The following NEK4 variants were observed in gnomAD, a reference collection of about 807,000 sequenced individuals.
The protein encoded by NEK4 is NIMA related kinase 4, also known as serine/threonine-protein kinase Nek4.
NEK4 carries 86 observed loss-of-function variants against 98.4 expected under a neutral mutation model. That is an observed-to-expected ratio of 0.87 (90% CI 0.73 to 1.05). The LOEUF (loss-of-function observed/expected upper bound fraction) is 1.05. Ranked by LOEUF, NEK4 falls within the 50% of genes least tolerant of loss-of-function variation. NEK4 has a pLI of 0.00. For missense variants in NEK4, 898 were observed against 950.3 expected (o/e 0.94, Z 0.72); for synonymous variants, 328 against 342.2 (o/e 0.96, Z 0.46).
At chr3:52,715,816 C>T (rs2097354631) in intron 15 of NEK4, among the ~76,000 whole-genome samples, 1 of 152,220 alleles carries the variant, frequency 6.6e-6, no homozygotes, top group South Asian at 2.1e-4. Flanking sequence ...TGTAAACAAA[C>T]ATGTTAGGAG....
At chr3:52,712,522 A>G (rs1312027238) in intron 15 of NEK4, among the ~76,000 whole-genome samples, 2 of 152,226 alleles carry the variant, frequency 1.3e-5, no homozygotes, top group African/African-American at 4.8e-5. Flanking sequence ...CCCTTGCCCT[A>G]TCTCAAGGAC....
In NEK4 at chr3:52,770,728, A is replaced by C; in HGVS notation, c.19T>G (p.Cys7Gly). Residue 7 changes from cysteine (C) to glycine (G), a missense_variant, in exon 1 of 16, where the codon TGC becomes GGC. By Grantham distance (159) the Cys-to-Gly change is radical. Transcript: ENST00000233027. The stretch of plus-strand genomic sequence containing the variant: ...CCCTTGCCCACGACCCGCAGGTAGC[A>C]GTAGGCGGCCAGGGGCATGTTCCCA... MPLAAY[C>G]YLRVVGKGSY... is the part of the protein sequence containing the mutation. 6.4e-7 allele frequency: 1 copy of C among 1,573,606 alleles called. No individual in the cohort carries two copies. Among genetic ancestry groups the C allele is most frequent in the African/African-American group, 1.4e-5 (1 of 73,878 alleles).
At chr3:52,711,967 T>C (rs2097350845) in intron 15 of NEK4, 98 bp from the exon 16 acceptor site, 4 of 667,142 alleles carry the variant, frequency 6.0e-6, no homozygotes, top group African/African-American at 1.8e-5. Context: ...GTATCCAAGG[T>C]GGAAACCATA....
intron 6 of NEK4, 122 bp downstream of exon 6, chr3:52,760,673 G>A (rs1698321080): frequency 4.0e-6 from 3 of 750,676 alleles, no homozygotes; most frequent in Admixed American, 2.4e-5. Context: ...TTACAGTAAG[G>A]AATTAATTGT....
chr3:52,755,475 A>G (rs937426534), intron 6 of NEK4, among the ~76,000 whole-genome samples: 2 of 150,998 alleles, frequency 1.3e-5, no homozygotes, highest in East Asian at 1.9e-4. Flanking sequence ...CAGGGCTGTG[A>G]AAAAAAAACA....
intron 15 of NEK4, among the ~76,000 whole-genome samples, chr3:52,721,026 A>G (rs1371722732): frequency 6.6e-6 from 1 of 152,200 alleles, no homozygotes; most frequent in East Asian, 1.9e-4. Flanking sequence ...CTTTTACGTA[A>G]CTATTTAAAA....
At chr3:52,748,210 G>A (rs1005535268) in intron 8 of NEK4, among the ~76,000 whole-genome samples, 2 of 150,882 alleles carry the variant, frequency 1.3e-5, no homozygotes, top group Admixed American at 6.6e-5. Flanking sequence ...CTCATGATCC[G>A]CCCGCCTCGG....
chr3:52,768,246 T>C (rs1467589448), intron 2 of NEK4, 92 bp downstream of exon 2: 3 of 1,147,712 alleles, frequency 2.6e-6, no homozygotes, highest in Non-Finnish European at 3.8e-6. Context: ...CATTTCTATA[T>C]GTAAGTATCT....
chr3:52,743,256 C>T (rs2097389743), intron 12 of NEK4, 96 bp downstream of exon 12: 1 of 907,312 alleles, frequency 1.1e-6, no homozygotes, highest in Admixed American at 2.0e-5. Flanking sequence ...CTGGCCCTGT[C>T]CCAAAAATAA....
chr3:52,766,392 G>A lies in NEK4; in HGVS notation c.361-17C>T, dbSNP rs1206920200. The A allele has an allele frequency of 6.4e-7, 1 of 1,562,334 alleles. No individual in the cohort carries two copies. The highest frequency in any genetic ancestry group is 8.8e-7 in the Non-Finnish European group (1 of 1,133,646). The stretch of plus-strand genomic sequence containing the variant: ...ATGTAAATACTGAGGAAAGAAACAA[G>A]ATTTTATTACATATAAATAGACTTA... On this transcript the variant is annotated splice_polypyrimidine_tract_variant and intron_variant, in intron 2 of 15. Coordinates refer to ENST00000233027, the MANE Select transcript of NEK4 (RefSeq NM_003157.6).
chr3:52,721,014 C>G (rs530357512), intron 15 of NEK4, among the ~76,000 whole-genome samples: 1 of 152,308 alleles, frequency 6.6e-6, no homozygotes, highest in East Asian at 1.9e-4. Flanking sequence ...CTGACAGAAT[C>G]TCTTTTACGT....
At chr3:52,752,364 T>C (rs1253850938) in intron 6 of NEK4, 28 bp from the exon 7 acceptor site, 18 of 1,595,320 alleles carry the variant, frequency 1.1e-5, no homozygotes, top group Non-Finnish European at 1.3e-5. Flanking sequence ...TGGAAATTAT[T>C]ATAGCACTCC....
chr3:52,764,758 GCATGCACACACACACA>G (rs1338715964), intron 4 of NEK4, among the ~76,000 whole-genome samples: 185 of 137,080 alleles, frequency 1.3e-3, no homozygotes, highest in African/African-American at 5.3e-3. Context: ...GTGCGCGTGC[GCATGCACACACACACA>G]CATGCACACA....
chr3:52,770,387 G>A (rs1401324225), intron 1 of NEK4, among the ~76,000 whole-genome samples: 2 of 151,092 alleles, frequency 1.3e-5, no homozygotes, highest in East Asian at 1.9e-4. Context: ...GATAGGCAGA[G>A]ACTGAAAATT....
chr3:52,767,438 G>A (rs926599546), intron 2 of NEK4, among the ~76,000 whole-genome samples: 2 of 151,932 alleles, frequency 1.3e-5, no homozygotes, highest in South Asian at 2.1e-4. Flanking sequence ...TCAGCCGGGC[G>A]TGGTGGCTCA....
chr3:52,712,060 A>G (rs1354017460), intron 15 of NEK4, among the ~76,000 whole-genome samples, 191 bp from the exon 16 acceptor site: 2 of 152,218 alleles, frequency 1.3e-5, no homozygotes, highest in African/African-American at 4.8e-5. Flanking sequence ...TAAAGAGCAA[A>G]CAAACAATAA....
At chr3:52,715,266 G>A (rs1169764044) in intron 15 of NEK4, among the ~76,000 whole-genome samples, 2 of 152,370 alleles carry the variant, frequency 1.3e-5, no homozygotes, top group Admixed American at 6.5e-5. Flanking sequence ...GGGACGGCCA[G>A]CTGCAGAGAG....
chr3:52,743,981 C>T (rs1236149017), intron 11 of NEK4, among the ~76,000 whole-genome samples: 7 of 152,204 alleles, frequency 4.6e-5, no homozygotes, highest in African/African-American at 1.7e-4. Context: ...TCTGAAACCT[C>T]CCAGGACTTA....
chr3:52,746,642 T>C (rs541945802), intron 9 of NEK4, 92 bp downstream of exon 9: 4 of 1,160,014 alleles, frequency 3.4e-6, no homozygotes, highest in Non-Finnish European at 2.5e-6. Context: ...TTCCTTGCAT[T>C]TCTTACATGC....
Sources: gnomAD v4.1 joint callset for allele counts (sites outside exome capture counted in the v4.1 genomes callset) on GRCh38, gnomAD v4.1.1 for gene constraint, MANE v1.5 for transcripts, NCBI Gene and HGNC (gene_info 2026-07-23, HGNC 2026-07-21) for gene names.